The following TMEM232 variants were observed in gnomAD, a reference collection of about 807,000 sequenced individuals.
The protein encoded by TMEM232 is transmembrane protein 232.
TMEM232 carries 80 observed loss-of-function variants against 78.8 expected under a neutral mutation model. That is an observed-to-expected ratio of 1.01 (90% confidence interval 0.85 to 1.22). The LOEUF is 1.22. Ranked by LOEUF, TMEM232 falls within the 50% of genes most tolerant of loss-of-function variation. TMEM232 has a pLI of 0.00. For synonymous variants in TMEM232, 297 were observed against 254.3 expected, an observed-to-expected ratio of 1.17 and a Z score of -1.60; for missense variants, 881 against 742.2, an observed-to-expected ratio of 1.19 and a Z score of -2.17.
At chr5:110,488,455 T>G (rs943654247) in intron 12 of TMEM232, among the ~76,000 whole-genome samples, 6 of 152,062 alleles carry the variant, frequency 3.9e-5, no homozygotes, top group African/African-American at 1.4e-4. Flanking sequence ...TATGGAGAAT[T>G]AAGCAATACT....
At chr5:110,651,741 T>C (rs1237933247) in intron 2 of TMEM232, among the ~76,000 whole-genome samples, 1 of 151,910 alleles carries the variant, frequency 6.6e-6, no homozygotes, top group Non-Finnish European at 1.5e-5. Context: ...ATGACAGGAA[T>C]TAGAGCATGT....
chr5:110,491,835 A>T (rs954595478), intron 12 of TMEM232, among the ~76,000 whole-genome samples: 1 of 151,954 alleles, frequency 6.6e-6, no homozygotes, highest in Non-Finnish European at 1.5e-5. Flanking sequence ...CAAATTTGAA[A>T]TATGGGAAAA....
intron 2 of TMEM232, among the ~76,000 whole-genome samples, chr5:110,401,543 G>A (rs906403358): frequency 1.3e-4 from 20 of 151,994 alleles, no homozygotes; most frequent in African/African-American, 4.6e-4. Flanking sequence ...GCCACCCCTG[G>A]GAATTTATTT....
At chr5:110,702,816 A>G (rs1350305390) in intron 1 of TMEM232, among the ~76,000 whole-genome samples, 2 of 152,168 alleles carry the variant, frequency 1.3e-5, no homozygotes, top group East Asian at 3.9e-4. Context: ...AAATCAACAT[A>G]GTTAGCTTAG....
chr5:110,389,383 T>G (rs965060261), intron 4 of TMEM232, among the ~76,000 whole-genome samples: 2 of 150,846 alleles, frequency 1.3e-5, no homozygotes, highest in Non-Finnish European at 3.0e-5. Flanking sequence ...TATGAACAGA[T>G]AGATTGGGGT....
intron 12 of TMEM232, among the ~76,000 whole-genome samples, chr5:110,427,164 TA>T (rs35639206): frequency 0.089 from 13,580 of 151,938 alleles, 758 homozygotes; most frequent in South Asian, 0.17. Context: ...TCTAAGCATA[TA>T]GGCTCTCTAC....
At chr5:110,634,233 A>G (rs1473790852) in intron 5 of TMEM232, among the ~76,000 whole-genome samples, 2 of 152,152 alleles carry the variant, frequency 1.3e-5, no homozygotes, top group African/African-American at 4.8e-5. Context: ...TATAGACTCC[A>G]ATACATTAAT....
At chr5:110,552,508 A>G (rs906532205) in intron 11 of TMEM232, among the ~76,000 whole-genome samples, 1 of 152,140 alleles carries the variant, frequency 6.6e-6, no homozygotes, top group Non-Finnish European at 1.5e-5. Flanking sequence ...TTATATAAAG[A>G]CACAAAAAGT....
chr5:110,678,642 G>A (rs1792332242), intron 1 of TMEM232, among the ~76,000 whole-genome samples: 1 of 151,874 alleles, frequency 6.6e-6, no homozygotes, highest in Non-Finnish European at 1.5e-5. Flanking sequence ...GAGTGTTTTT[G>A]ATACCTTAAA....
chr5:110,464,824 C>G (rs1488268633), intron 12 of TMEM232, among the ~76,000 whole-genome samples: 1 of 152,134 alleles, frequency 6.6e-6, no homozygotes, highest in Non-Finnish European at 1.5e-5. Flanking sequence ...ATCTATGTAT[C>G]TATCTGTGTA....
At chr5:110,512,188 A>C (rs1354526127) in intron 12 of TMEM232, among the ~76,000 whole-genome samples, 1 of 152,204 alleles carries the variant, frequency 6.6e-6, no homozygotes, top group East Asian at 1.9e-4. Flanking sequence ...TGAAAGCTCC[A>C]TTGTGGAAGA....
chr5:110,624,763 A>G (rs533941802), intron 7 of TMEM232, among the ~76,000 whole-genome samples: 1 of 152,030 alleles, frequency 6.6e-6, no homozygotes, highest in African/African-American at 2.4e-5. Flanking sequence ...CAATTTTAGA[A>G]AGGGCTTATA....
intron 1 of TMEM232, among the ~76,000 whole-genome samples, chr5:110,692,049 T>C (rs981056289): frequency 6.6e-6 from 1 of 152,046 alleles, no homozygotes; most frequent in Non-Finnish European, 1.5e-5. Flanking sequence ...GCCTCCTGAG[T>C]AGCTGGGACT....
rs184547219 is a variant in TMEM232, at chr5:110,435,598, C to T, written c.1704-10682G>A. Among the ~76,000 whole-genome samples, 843 of 151,922 alleles carry T rather than the reference C, an allele frequency of 5.5e-3. 4 individuals carry two copies. The highest frequency in any genetic ancestry group is 9.0e-3 in the Non-Finnish European group (613 of 67,830). ...CCATTAATCATCCCCACTCCCCTCCCGACTTCCCCTCTACCCTTCACTACC... is the reference window on the plus strand; with the variant it reads ...CCATTAATCATCCCCACTCCCCTCCTGACTTCCCCTCTACCCTTCACTACC... On this transcript the variant is annotated intron_variant, in intron 12 of 13. Transcript: ENST00000455884.
chr5:110,642,759 T>A (rs1239475579), intron 2 of TMEM232, among the ~76,000 whole-genome samples: 1 of 152,024 alleles, frequency 6.6e-6, no homozygotes, highest in Non-Finnish European at 1.5e-5. Flanking sequence ...ACTCCTTCTG[T>A]GCAAGTGGAA....
At chr5:110,691,826 C>T (rs1794149457) in intron 1 of TMEM232, among the ~76,000 whole-genome samples, 1 of 152,222 alleles carries the variant, frequency 6.6e-6, no homozygotes. Context: ...GTCACTTTCA[C>T]TTCACTGCTC....
chr5:110,631,364 A>G (rs1785106317), intron 5 of TMEM232, among the ~76,000 whole-genome samples: 1 of 152,106 alleles, frequency 6.6e-6, no homozygotes. Flanking sequence ...GCAGAGAGAG[A>G]GATCCCATTC....
intron 12 of TMEM232, among the ~76,000 whole-genome samples, chr5:110,482,910 C>T (rs1764038475): frequency 6.6e-6 from 1 of 150,590 alleles, no homozygotes; most frequent in South Asian, 2.1e-4. Context: ...CCATGGCACA[C>T]TTTCCTACAA....
At chr5:110,532,767 C>G (rs113732556) in intron 11 of TMEM232, among the ~76,000 whole-genome samples, 4,590 of 152,098 alleles carry the variant, frequency 0.03, 238 homozygotes, top group African/African-American at 0.11. Context: ...CCTTGGCGAC[C>G]GATCATGCAC....
Sources: gnomAD v4.1 joint callset for allele counts (sites outside exome capture counted in the v4.1 genomes callset) on GRCh38, gnomAD v4.1.1 for gene constraint, MANE v1.5 for transcripts, NCBI Gene and HGNC (gene_info 2026-07-23, HGNC 2026-07-21) for gene names.